Variants in ROBO2 observed in about 807,000 individuals in gnomAD.
The protein encoded by ROBO2 is roundabout guidance receptor 2.
ROBO2 carries 53 observed loss-of-function variants against 160.8 expected under a neutral mutation model. That is an observed-to-expected ratio of 0.33 (90% CI 0.26 to 0.41). ROBO2 has a LOEUF of 0.41. Among genes scored for constraint, ROBO2 ranks in the 10% least tolerant of loss-of-function variants. The pLI, the probability that ROBO2 is intolerant of heterozygous loss-of-function variation, is 1.00. For missense variants in ROBO2, 1,577 were observed against 1,722.4 expected, an observed-to-expected ratio of 0.92 and a Z score of 1.49; for synonymous variants, 664 against 611.7, an observed-to-expected ratio of 1.09 and a Z score of -1.26.
At chr3:77,217,110 CTCCT>C (rs752938634) in intron 2 of ROBO2, among the ~76,000 whole-genome samples, 5 of 150,148 alleles carry the variant, frequency 3.3e-5, no homozygotes, top group African/African-American at 7.3e-5. Context: ...TTTCTTTTTT[CTCCT>C]TCCTTCCTTC....
At chr3:77,038,005 G>C (rs2063739015), upstream of ROBO2, among the ~76,000 whole-genome samples, 1 of 152,200 alleles carries the variant, frequency 6.6e-6, no homozygotes, top group Admixed American at 6.5e-5. Flanking sequence ...TCCTGAACTG[G>C]GTAAACCAAG....
At chr3:77,103,242 C>T (rs1273398997) in intron 2 of ROBO2, among the ~76,000 whole-genome samples, 1 of 152,062 alleles carries the variant, frequency 6.6e-6, no homozygotes, top group Non-Finnish European at 1.5e-5. Context: ...GGGGTTCTGG[C>T]CTAAATGAAA....
At chr3:77,587,622 C>A (rs534896809) in intron 16 of ROBO2, among the ~76,000 whole-genome samples, 2 of 152,052 alleles carry the variant, frequency 1.3e-5, no homozygotes, top group African/African-American at 4.8e-5. Flanking sequence ...AGATTTAGTG[C>A]CCTATATAAG....
At chr3:77,205,125 C>T (rs2151047747) in intron 2 of ROBO2, among the ~76,000 whole-genome samples, 1 of 152,238 alleles carries the variant, frequency 6.6e-6, no homozygotes, top group Middle Eastern at 3.4e-3. Flanking sequence ...TAAGTGTTAA[C>T]CAGCTCAGTG....
intron 2 of ROBO2, among the ~76,000 whole-genome samples, chr3:77,458,076 C>T (rs1029772485): frequency 1.1e-4 from 16 of 152,114 alleles, no homozygotes; most frequent in Admixed American, 2.6e-4. Context: ...TCCTCATCGC[C>T]GCCTTAGATA....
intron 2 of ROBO2, among the ~76,000 whole-genome samples, chr3:76,314,438 G>T (rs961626): frequency 0.85 from 129,284 of 151,718 alleles, 56,837 homozygotes; most frequent in Non-Finnish European, 0.98. Context: ...TATATAAATA[G>T]ATAATATCAT....
chr3:76,828,675 T>G (rs538462031), intron 2 of ROBO2, among the ~76,000 whole-genome samples: 36 of 152,270 alleles, frequency 2.4e-4, no homozygotes, highest in African/African-American at 8.7e-4. Flanking sequence ...ACCTTCATAG[T>G]AAAAATCTAT....
intron 1 of ROBO2, among the ~76,000 whole-genome samples, chr3:75,921,247 A>G (rs1947033410): frequency 6.6e-6 from 1 of 151,352 alleles, no homozygotes; most frequent in Non-Finnish European, 1.5e-5. Context: ...ATCTCTCAGC[A>G]TCTGCTTGTC....
intron 2 of ROBO2, among the ~76,000 whole-genome samples, chr3:76,371,728 TG>T (rs771159536): frequency 1.3e-5 from 2 of 152,062 alleles, no homozygotes; most frequent in Non-Finnish European, 2.9e-5. Flanking sequence ...TCATTACTTC[TG>T]GCTCCTGGCA....
chr3:76,122,308 A>G (rs1488679106), intron 2 of ROBO2, among the ~76,000 whole-genome samples: 2 of 152,212 alleles, frequency 1.3e-5, no homozygotes, highest in African/African-American at 4.8e-5. Context: ...AAGTGAAACA[A>G]GATCATATTC....
At chr3:76,744,602 T>C (rs937542864) in intron 2 of ROBO2, among the ~76,000 whole-genome samples, 4 of 152,024 alleles carry the variant, frequency 2.6e-5, no homozygotes, top group African/African-American at 9.7e-5. Flanking sequence ...CTTCAAGCAA[T>C]CCTTCCACTT....
chr3:77,214,324 C>G (rs2084620356), intron 2 of ROBO2, among the ~76,000 whole-genome samples: 2 of 152,120 alleles, frequency 1.3e-5, no homozygotes, highest in Non-Finnish European at 2.9e-5. Context: ...ATCCCTTTCC[C>G]ATTATGTAAT....
intron 2 of ROBO2, among the ~76,000 whole-genome samples, chr3:76,723,689 C>A (rs1472778196): frequency 6.6e-6 from 1 of 152,202 alleles, no homozygotes; most frequent in Non-Finnish European, 1.5e-5. Flanking sequence ...CATCTCCATT[C>A]ATTAAAGACT....
At chr3:75,991,880 C>T (rs752837700) in intron 2 of ROBO2, among the ~76,000 whole-genome samples, 17 of 152,146 alleles carry the variant, frequency 1.1e-4, no homozygotes, top group Middle Eastern at 3.2e-3. Flanking sequence ...AAAAGGGTTA[C>T]TCTTGTTATG....
intron 2 of ROBO2, among the ~76,000 whole-genome samples, chr3:77,345,382 T>C (rs561426378): frequency 6.6e-6 from 1 of 152,258 alleles, no homozygotes; most frequent in East Asian, 1.9e-4. Context: ...TGGTCATAGA[T>C]GTCAGCCCCA....
intron 2 of ROBO2, among the ~76,000 whole-genome samples, chr3:76,644,892 C>T (rs563784689): frequency 2.7e-4 from 41 of 152,306 alleles, no homozygotes; most frequent in Admixed American, 5.2e-4. Context: ...CATGCATTAT[C>T]TTAATCATTA....
intron 2 of ROBO2, among the ~76,000 whole-genome samples, chr3:77,125,906 A>G (rs754118867): frequency 3.2e-4 from 48 of 152,138 alleles, no homozygotes; most frequent in Non-Finnish European, 6.0e-4. Flanking sequence ...CTGAAGTACT[A>G]TTAGTTGTTT....
chr3:77,289,088 G>A (rs2060840548), intron 2 of ROBO2, among the ~76,000 whole-genome samples: 1 of 152,124 alleles, frequency 6.6e-6, no homozygotes, highest in Non-Finnish European at 1.5e-5. Flanking sequence ...ATCATATACA[G>A]GCACTTGATA....
At chr3:77,621,312 G>T (rs544185955) in intron 22 of ROBO2, among the ~76,000 whole-genome samples, 1 of 152,080 alleles carries the variant, frequency 6.6e-6, no homozygotes, top group East Asian at 1.9e-4. Flanking sequence ...TGTAATGCCA[G>T]CTACTTGGGA....
Sources: allele counts gnomAD v4.1 joint callset (sites outside exome capture counted in the v4.1 genomes callset), GRCh38; gene constraint gnomAD v4.1.1; transcripts MANE v1.5; gene names NCBI Gene and HGNC (gene_info 2026-07-23, HGNC 2026-07-21).